RAB6B: variants seen among roughly 807,000 people sequenced by gnomAD.
RAB6B encodes the protein ras-related protein Rab-6B.
Under a neutral mutation model 31.2 loss-of-function variants are expected in RAB6B, and 7 were observed. The observed-to-expected ratio is 0.22, with a 90% CI of 0.13 to 0.42. The LOEUF is 0.42. Among genes scored for constraint, RAB6B ranks in the 10% least tolerant of loss-of-function variants. The pLI is 1.00. For missense variants in RAB6B, 149 were observed against 280.6 expected (o/e 0.53, Z 3.35); for synonymous variants, 105 against 104.9 (o/e 1.00, Z -0.01).
At chr3:133,829,187 C>T (rs1935619521) in intron 7 of RAB6B, among the ~76,000 whole-genome samples, 2 of 152,174 alleles carry the variant, frequency 1.3e-5, no homozygotes, top group South Asian at 4.1e-4. Context: ...TGGCCTCAGC[C>T]CAGTTACCTG....
In RAB6B at chr3:133,826,658, T is replaced by TA. The variant is rs1364057283; in HGVS notation, c.*2129dup. On this transcript the variant is annotated 3_prime_UTR_variant, in exon 8 of 8. Transcript: ENST00000285208. ...CCACACAGGCATGCACACCCGTGCA[T>TA]ATAAAGTACATAGAGAAATGGTGGA... 2 of 152,680 alleles carry TA rather than the reference T, an allele frequency of 1.3e-5. No homozygotes were observed. Among genetic ancestry groups the TA allele is most frequent in the Non-Finnish European group, 1.5e-5 (1 of 68,054 alleles). 9.5% of individuals were successfully genotyped at this position (152,680 alleles called of 1,614,324 possible).
At chr3:133,872,900 T>G (rs1936345327) in intron 1 of RAB6B, among the ~76,000 whole-genome samples, 1 of 151,086 alleles carries the variant, frequency 6.6e-6, no homozygotes, top group Non-Finnish European at 1.5e-5. Context: ...AAGGGGAGGG[T>G]AGAGGGGAGG....
intron 1 of RAB6B, among the ~76,000 whole-genome samples, chr3:133,879,811 T>C (rs1053017329): frequency 1.3e-5 from 2 of 152,212 alleles, no homozygotes; most frequent in East Asian, 3.8e-4. Flanking sequence ...GGATCTTTCC[T>C]CTTGGACCTA....
At chr3:133,855,276 A>G (rs962455213) in intron 2 of RAB6B, among the ~76,000 whole-genome samples, 1 of 152,250 alleles carries the variant, frequency 6.6e-6, no homozygotes, top group South Asian at 2.1e-4. Flanking sequence ...CCTTGCCAGA[A>G]GCGCAGTAAT....
At position 133,893,231 on chromosome 3, in the gene RAB6B, C is replaced by G. The variant is rs534143594; in HGVS notation, c.70+2166G>C. Among the ~76,000 whole-genome samples the G allele has an allele frequency of 3.9e-5, 6 of 152,328 alleles. No individual in the cohort carries two copies. The South Asian group carries it at 1.2e-3, about 32-fold the overall frequency. On this transcript the variant is annotated intron_variant, in intron 1 of 7. Coordinates refer to ENST00000285208, the MANE Select transcript of RAB6B (RefSeq NM_016577.4). The stretch of plus-strand genomic sequence containing the variant: ...GGAGGCTCCCCAGTTGTTGGCTTCC[C>G]CAATTCAAGGTCATCTTACTTCACA...
chr3:133,843,780 G>C (rs995388187), intron 2 of RAB6B, among the ~76,000 whole-genome samples: 1 of 152,134 alleles, frequency 6.6e-6, no homozygotes, highest in Non-Finnish European at 1.5e-5. Flanking sequence ...GGTCCTCTGT[G>C]GGTAGGGAGT....
intron 2 of RAB6B, among the ~76,000 whole-genome samples, chr3:133,861,159 C>T (rs1454678117): frequency 6.6e-6 from 1 of 152,236 alleles, no homozygotes; most frequent in East Asian, 1.9e-4. Flanking sequence ...CAAGTCTCAT[C>T]ACAATGCACA....
intron 2 of RAB6B, among the ~76,000 whole-genome samples, chr3:133,863,012 A>G (rs1000732212): frequency 1.3e-5 from 2 of 152,254 alleles, no homozygotes; most frequent in Non-Finnish European, 2.9e-5. Flanking sequence ...TGCAGCTGTC[A>G]TCTTGAATTC....
At chr3:133,889,856 T>G (rs1333132185) in intron 1 of RAB6B, among the ~76,000 whole-genome samples, 1 of 152,174 alleles carries the variant, frequency 6.6e-6, no homozygotes, top group East Asian at 1.9e-4. Context: ...AGCCAGAACA[T>G]ATTCTAAGTT....
chr3:133,832,565 A>G (rs1428664979), intron 7 of RAB6B, among the ~76,000 whole-genome samples: 2 of 152,210 alleles, frequency 1.3e-5, no homozygotes, highest in Non-Finnish European at 2.9e-5. Context: ...CACACCTTCA[A>G]AACACCTGGA....
intron 7 of RAB6B, among the ~76,000 whole-genome samples, chr3:133,832,710 C>T (rs994858336): frequency 2.6e-5 from 4 of 152,188 alleles, no homozygotes; most frequent in Non-Finnish European, 5.9e-5. Flanking sequence ...AGCAAGCTGG[C>T]TCCTGGGCAG....
intron 6 of RAB6B, among the ~76,000 whole-genome samples, chr3:133,836,842 G>A (rs184537068): frequency 1.3e-5 from 2 of 152,286 alleles, no homozygotes; most frequent in African/African-American, 4.8e-5. Flanking sequence ...CTGAGTCCTG[G>A]AGCTTTGGGG....
chr3:133,881,326 C>T (rs1917778), intron 1 of RAB6B, among the ~76,000 whole-genome samples: 43,370 of 152,116 alleles, frequency 0.29, 8,396 homozygotes, highest in African/African-American at 0.55. Flanking sequence ...CCCAGGATCA[C>T]ACAGCACCAG....
At chr3:133,864,842 G>A (rs186349577) in intron 1 of RAB6B, among the ~76,000 whole-genome samples, 200 bp from the exon 2 acceptor site, 4 of 152,204 alleles carry the variant, frequency 2.6e-5, no homozygotes, top group Non-Finnish European at 4.4e-5. Context: ...GTGGGCTGAG[G>A]GCTGTTCCTG....
intron 1 of RAB6B, among the ~76,000 whole-genome samples, chr3:133,867,747 G>T (rs1379422189): frequency 6.6e-6 from 1 of 152,182 alleles, no homozygotes; most frequent in Non-Finnish European, 1.5e-5. Flanking sequence ...AGTGCTTTGT[G>T]GGGTACAAGG....
intron 1 of RAB6B, among the ~76,000 whole-genome samples, chr3:133,881,120 A>G (rs1384294395): frequency 6.6e-6 from 1 of 152,154 alleles, no homozygotes; most frequent in Non-Finnish European, 1.5e-5. Context: ...ATGTCCACAT[A>G]TCCCCCACTG....
intron 2 of RAB6B, among the ~76,000 whole-genome samples, chr3:133,841,889 T>C (rs1445183935): frequency 1.3e-5 from 2 of 152,096 alleles, no homozygotes; most frequent in Non-Finnish European, 2.9e-5. Context: ...GGTGAGATCT[T>C]CTCTGGAGAG....
chr3:133,884,873 G>A (rs1262473988), intron 1 of RAB6B, among the ~76,000 whole-genome samples: 1 of 124,986 alleles, frequency 8.0e-6, no homozygotes, highest in Non-Finnish European at 1.6e-5. Context: ...CAAAGGACGG[G>A]GGATTCACAC....
rs182767744 is a variant in RAB6B, at chr3:133,841,976, C to T, written c.130-313G>A. Reference sequence around the variant, plus strand: ...GAGCAAGGCCACTCAGGCCACTCAACGCACATATCCTGCCCTCCCCACCTG... The same window carrying T: ...GAGCAAGGCCACTCAGGCCACTCAATGCACATATCCTGCCCTCCCCACCTG... On this transcript the variant is annotated intron_variant, in intron 2 of 7. Coordinates refer to ENST00000285208, the MANE Select transcript of RAB6B (RefSeq NM_016577.4). Among the ~76,000 whole-genome samples the T allele has an allele frequency of 1.9e-4, 29 of 152,352 alleles. No individual in the cohort carries two copies. The East Asian group carries it at 4.2e-3, about 22-fold the overall frequency.
Sources: gnomAD v4.1 joint callset for allele counts (sites outside exome capture counted in the v4.1 genomes callset) on GRCh38, gnomAD v4.1.1 for gene constraint, MANE v1.5 for transcripts, NCBI Gene and HGNC (gene_info 2026-07-23, HGNC 2026-07-21) for gene names.